SESN2: variants seen among roughly 807,000 people sequenced by gnomAD.
SESN2 encodes sestrin 2.
In SESN2, 42 loss-of-function variants were observed where a neutral mutation model predicts 56.0. The ratio of observed to expected loss-of-function variants is 0.75; its 90% CI spans 0.59 to 0.97. SESN2 has a LOEUF of 0.97. Ranked by LOEUF, SESN2 falls within the 50% of genes least tolerant of loss-of-function variation. SESN2 has a pLI of 0.00. For missense variants in SESN2, 507 were observed against 649.4 expected (o/e 0.78, Z 2.38); for synonymous variants, 264 against 267.1 (o/e 0.99, Z 0.11).
intron 7 of SESN2, 27 bp downstream of exon 7, chr1:28,274,185 C>G: frequency 7.2e-7 from 1 of 1,390,560 alleles, no homozygotes; most frequent in Non-Finnish European, 1.0e-6. Context: ...TAGTCTTGGC[C>G]ATTGCTCCAC....
chr1:28,279,856 A>G (rs1569572398), intron 9 of SESN2, among the ~76,000 whole-genome samples: 2 of 138,254 alleles, frequency 1.4e-5, no homozygotes, highest in African/African-American at 5.4e-5. Context: ...TGAGCTTTTT[A>G]TCCTGTTTTT....
intron 1 of SESN2, among the ~76,000 whole-genome samples, chr1:28,265,646 C>T (rs767832178): frequency 6.6e-6 from 1 of 152,138 alleles, no homozygotes; most frequent in Non-Finnish European, 1.5e-5. Context: ...CCGCCTGCCT[C>T]GGCCTCTCAA....
At chr1:28,277,937 A>G (rs930871970) in intron 8 of SESN2, among the ~76,000 whole-genome samples, 1 of 152,084 alleles carries the variant, frequency 6.6e-6, no homozygotes, top group African/African-American at 2.4e-5. Flanking sequence ...CTGCTCTCCA[A>G]CATGGTTCTT....
At chr1:28,271,148 G>C (rs1054807891) in intron 2 of SESN2, among the ~76,000 whole-genome samples, 3 of 152,304 alleles carry the variant, frequency 2.0e-5, no homozygotes, top group African/African-American at 7.2e-5. Context: ...GCAAAGTGGG[G>C]GAAATAATAG....
intron 1 of SESN2, among the ~76,000 whole-genome samples, chr1:28,261,282 TCTC>T (rs907371591): frequency 5.9e-5 from 9 of 152,280 alleles, no homozygotes; most frequent in Non-Finnish European, 1.2e-4. Context: ...GAATGGCTCT[TCTC>T]CTGCAGCTTC....
At position 28,272,409 on chromosome 1, in the gene SESN2, C is replaced by G; in HGVS notation, c.480C>G (p.Ser160Arg). Residue 160 changes from serine (S) to arginine (R), a missense_variant, in exon 4 of 10, where the codon AGC (serine) becomes AGG (arginine). Physicochemically the swap from Ser to Arg is moderately radical, Grantham distance 110. Transcript: ENST00000253063. ...HRAPEKLRKL[S>R]EINKLLAHRP... Reference sequence around the variant, plus strand: ...CCCCCGAGAAGCTGCGCAAACTCAGCGAGATCAACAAGTTGCTGGCGCATC... The same window carrying G: ...CCCCCGAGAAGCTGCGCAAACTCAGGGAGATCAACAAGTTGCTGGCGCATC... The G allele has an allele frequency of 6.2e-7, 1 of 1,613,442 alleles. No individual in the cohort carries two copies. The highest frequency in any genetic ancestry group is 8.5e-7 in the Non-Finnish European group (1 of 1,180,016).
At chr1:28,265,826 C>T (rs1647544394) in intron 1 of SESN2, among the ~76,000 whole-genome samples, 1 of 147,102 alleles carries the variant, frequency 6.8e-6, no homozygotes, top group South Asian at 2.2e-4. Context: ...CCACTTAGGC[C>T]CCCTAGATCT....
intron 5 of SESN2, 127 bp from the exon 6 acceptor site, chr1:28,273,219 TCCAGCACAGTGG>T: frequency 1.4e-6 from 1 of 736,356 alleles, no homozygotes; most frequent in South Asian, 2.3e-5. Context: ...CCATGTGCTG[TCCAGCACAGTGG>T]CTGGCACAGA....
chr1:28,260,220 C>T (rs1283217981), intron 1 of SESN2, among the ~76,000 whole-genome samples: 5 of 151,666 alleles, frequency 3.3e-5, no homozygotes, highest in African/African-American at 9.7e-5. Flanking sequence ...CCTCGGCTCC[C>T]TCGGACTCCT....
chr1:28,280,026 T>C (rs896388117), intron 9 of SESN2, among the ~76,000 whole-genome samples: 1 of 151,796 alleles, frequency 6.6e-6, no homozygotes, highest in African/African-American at 2.4e-5. Flanking sequence ...CTAGTAGAGA[T>C]AAGGTCTCAC....
At chr1:28,275,172 C>G (rs1024807528) in intron 8 of SESN2, among the ~76,000 whole-genome samples, 157 bp downstream of exon 8, 2 of 152,036 alleles carry the variant, frequency 1.3e-5, no homozygotes, top group African/African-American at 4.8e-5. Context: ...TGACAGTACT[C>G]ATTGTTTGAA....
At chr1:28,271,908 T>C (rs1267551005) in intron 3 of SESN2, 37 bp downstream of exon 3, 2 of 1,595,108 alleles carry the variant, frequency 1.3e-6, no homozygotes, top group Non-Finnish European at 1.7e-6. Context: ...GAGAGGTGGC[T>C]TTGTGGTGGG....
At chr1:28,272,498 G>A in intron 4 of SESN2, 32 bp downstream of exon 4, 3 of 1,609,690 alleles carry the variant, frequency 1.9e-6, no homozygotes, top group Non-Finnish European at 2.5e-6. Flanking sequence ...GTGTCTGAGG[G>A]AGCACAGAGG....
At position 28,281,362 on chromosome 1, in the gene SESN2, T is replaced by TC. The variant is rs1402028660; in HGVS notation, c.*562dup. 6.6e-6 allele frequency: 1 copy of TC among 152,366 alleles called. No individual in the cohort carries two copies. Among genetic ancestry groups the TC allele is most frequent in the Non-Finnish European group, 1.5e-5 (1 of 68,192 alleles). 9.4% of individuals were successfully genotyped at this position (152,366 alleles called of 1,614,324 possible). On this transcript the variant is annotated 3_prime_UTR_variant, in exon 10 of 10. Coordinates refer to ENST00000253063, the MANE Select transcript of SESN2 (RefSeq NM_031459.5). ...GGGCAGCCTGAGGCTGTTGCCCGAA[T>TC]CCTAGTTCAGTTTTTTGACTTCCTT... is the stretch of plus-strand genomic sequence containing the variant.
rs1647967579 is a variant in SESN2 at position 28,274,902 on chromosome 1, G to C, written c.1098G>C (p.Lys366Asn). The change falls in exon 8 of 10, where the codon AAG becomes AAC. Residue 366 changes from lysine (K) to asparagine (N), a missense_variant. Lys to Asn is a moderately conservative substitution (Grantham distance 94). Transcript: ENST00000253063. Reference sequence around the variant, plus strand: ...AGGGTGGGCAGCTGCTGGATGAGAAGTTCCAGGCAGCCTATAGCCTCACCT... The same window carrying C: ...AGGGTGGGCAGCTGCTGGATGAGAACTTCCAGGCAGCCTATAGCCTCACCT... ...YPEGGQLLDEKFQAAYSLTYN... is the reference protein window; with the variant it reads ...YPEGGQLLDENFQAAYSLTYN... 6.2e-7 allele frequency: 1 copy of C among 1,614,176 alleles called. No individual in the cohort carries two copies.
chr1:28,275,097 T>TG, intron 8 of SESN2, 82 bp downstream of exon 8: 1 of 1,059,792 alleles, frequency 9.4e-7, no homozygotes, highest in Non-Finnish European at 1.3e-6. Flanking sequence ...ATTTTCTTTT[T>TG]GTTTTTTTCT....
At chr1:28,271,361 C>T (rs2149038413) in intron 2 of SESN2, among the ~76,000 whole-genome samples, 1 of 152,262 alleles carries the variant, frequency 6.6e-6, no homozygotes, top group East Asian at 1.9e-4. Flanking sequence ...CTGATTTTTC[C>T]TACCTAAAAG....
In SESN2 at chr1:28,272,599, G is replaced by A. The variant is rs1162795578; in HGVS notation, c.556G>A (p.Glu186Lys). Residue 186 changes from glutamate (E) to lysine (K), a missense_variant, in exon 5 of 10, where the codon GAG (glutamate) becomes AAG (lysine). Coordinates refer to ENST00000253063, the MANE Select transcript of SESN2 (RefSeq NM_031459.5). Reference protein sequence around the residue: ...EHIQALLKTGEHTWSLAELIQ... With the variant: ...EHIQALLKTGKHTWSLAELIQ... ...CTTCCAGGCCTTGCTGAAGACCGGCGAGCACACTTGGTCCCTGGCCGAGCT... is the reference window on the plus strand; with the variant it reads ...CTTCCAGGCCTTGCTGAAGACCGGCAAGCACACTTGGTCCCTGGCCGAGCT... The A allele has an allele frequency of 8.1e-6, 13 of 1,613,908 alleles. No homozygotes were observed. The highest frequency in any genetic ancestry group is 2.2e-5 in the East Asian group (1 of 44,892).
At chr1:28,264,178 G>C (rs1647480028) in intron 1 of SESN2, among the ~76,000 whole-genome samples, 1 of 151,982 alleles carries the variant, frequency 6.6e-6, no homozygotes. Flanking sequence ...AATTAGCCGG[G>C]CTTGGTGGCG....
Sources: gnomAD v4.1 joint callset for allele counts (sites outside exome capture counted in the v4.1 genomes callset) on GRCh38, gnomAD v4.1.1 for gene constraint, MANE v1.5 for transcripts, NCBI Gene and HGNC (gene_info 2026-07-23, HGNC 2026-07-21) for gene names.